Variants in TPTE observed in about 807,000 individuals in gnomAD.
The protein encoded by TPTE is transmembrane phosphatase with tensin homology, also known as putative tyrosine-protein phosphatase TPTE.
In TPTE, 59 loss-of-function variants were observed where a neutral mutation model predicts 84.1. That is an observed-to-expected ratio of 0.70 (90% CI 0.57 to 0.87). The LOEUF is 0.87. Ranked by LOEUF, TPTE falls within the 40% of genes least tolerant of loss-of-function variation. The pLI, the probability that TPTE is intolerant of heterozygous loss-of-function variation, is 0.00. For missense variants in TPTE, 382 were observed against 659.6 expected, an observed-to-expected ratio of 0.58 and a Z score of 4.61; for synonymous variants, 130 against 223.5, an observed-to-expected ratio of 0.58 and a Z score of 3.73.
chr21:10,603,188 A>G (rs182985721), intron 22 of TPTE, among the ~76,000 whole-genome samples: 1 of 152,310 alleles, frequency 6.6e-6, no homozygotes, highest in Non-Finnish European at 1.5e-5. Flanking sequence ...ATTAAAAGGG[A>G]TGCTGAGGCA....
intron 7 of TPTE, among the ~76,000 whole-genome samples, chr21:10,549,769 A>G (rs528466143): frequency 2.0e-5 from 3 of 152,426 alleles, no homozygotes; most frequent in African/African-American, 7.2e-5. Flanking sequence ...AGGAAAACAT[A>G]TTTAATAAAA....
chr21:10,604,337 G>T (rs56070757), intron 23 of TPTE, among the ~76,000 whole-genome samples: 613 of 150,272 alleles, frequency 4.1e-3, no homozygotes, highest in African/African-American at 0.015. Flanking sequence ...GACTTTTTTT[G>T]TGTCAACCAT....
chr21:10,561,931 G>C (rs2074813591), intron 10 of TPTE, among the ~76,000 whole-genome samples: 1 of 152,312 alleles, frequency 6.6e-6, no homozygotes, highest in Non-Finnish European at 1.5e-5. Context: ...TCTTGGGCAA[G>C]ACCCCGTGCT....
chr21:10,590,629 T>A, intron 18 of TPTE, 106 bp downstream of exon 18: 2 of 1,552,702 alleles, frequency 1.3e-6, no homozygotes, highest in Middle Eastern at 1.7e-4. Context: ...TGGTGCTTAG[T>A]AAAATTGTAA....
At chr21:10,537,984 A>G (rs2074298518) in intron 3 of TPTE, among the ~76,000 whole-genome samples, 1 of 152,300 alleles carries the variant, frequency 6.6e-6, no homozygotes, top group African/African-American at 2.4e-5. Context: ...AAAAAGAAGA[A>G]TGATTTTTCT....
chr21:10,587,511 C>T (rs1246622785), intron 17 of TPTE, among the ~76,000 whole-genome samples: 1 of 151,014 alleles, frequency 6.6e-6, no homozygotes, highest in Non-Finnish European at 1.5e-5. Context: ...AGGATAATGA[C>T]TTCCAGCTGC....
At chr21:10,551,540 C>T (rs892178547) in intron 7 of TPTE, among the ~76,000 whole-genome samples, 5 of 152,194 alleles carry the variant, frequency 3.3e-5, no homozygotes, top group Non-Finnish European at 4.4e-5. Context: ...ATAGTAAGAA[C>T]AAACCAAACC....
Position 10,521,608 on chromosome 21 carries a change from CTGACCCAACAGTT to C in TPTE, c.-296_-284del, listed in dbSNP as rs1490714793. The C allele has an allele frequency of 2.2e-5, 3 of 133,656 alleles. No homozygotes were observed. The highest frequency in any genetic ancestry group is 2.4e-4 in the South Asian group (1 of 4,200). 8.3% of individuals were successfully genotyped at this position (133,656 alleles called of 1,614,324 possible). ...ACAACAGCTGCTACCTGAACAGTTTCTGACCCAACAGTTACCCAGCGCCGGACTCGCTGCGCCC... is the reference window on the plus strand; with the variant it reads ...ACAACAGCTGCTACCTGAACAGTTTCACCCAGCGCCGGACTCGCTGCGCCC... On this transcript the variant is annotated 5_prime_UTR_variant, in exon 1 of 24. Transcript: ENST00000618007.
At chr21:10,560,332 C>T (rs1386059070) in intron 9 of TPTE, among the ~76,000 whole-genome samples, 1 of 152,300 alleles carries the variant, frequency 6.6e-6, no homozygotes, top group Non-Finnish European at 1.5e-5. Flanking sequence ...ATAATTGTTT[C>T]CTTTTGAATT....
chr21:10,531,105 A>G (rs1203312660), intron 3 of TPTE, among the ~76,000 whole-genome samples: 4 of 152,308 alleles, frequency 2.6e-5, no homozygotes, highest in Non-Finnish European at 5.9e-5. Context: ...TTTCAAAGTG[A>G]TTATGTTACA....
chr21:10,563,285 T>C (rs1355568653), intron 10 of TPTE, among the ~76,000 whole-genome samples: 1 of 152,310 alleles, frequency 6.6e-6, no homozygotes, highest in African/African-American at 2.4e-5. Context: ...GATAAGGACA[T>C]TAATGAGCAA....
Position 10,560,068 on chromosome 21 carries a change from G to T in TPTE, c.284+524G>T, listed in dbSNP as rs566950632. Among the ~76,000 whole-genome samples, 4 of 152,416 alleles carry T rather than the reference G, an allele frequency of 2.6e-5. No individual in the cohort carries two copies. In the South Asian group the frequency reaches 6.2e-4, roughly 24 times the overall value. ...TAATCTAATTTATCATGGAATTTTG[G>T]TTTAAGCTGGACATTAAGAATTGCA... On this transcript the variant is annotated intron_variant, in intron 9 of 23. Transcript: ENST00000618007.
intron 23 of TPTE, among the ~76,000 whole-genome samples, chr21:10,603,901 G>C (rs1202580404): frequency 6.6e-6 from 1 of 152,310 alleles, no homozygotes; most frequent in South Asian, 2.1e-4. Context: ...TCTTAAGTGT[G>C]GTAGTAAATT....
Position 10,603,612 on chromosome 21 carries a change from A to C in TPTE, c.1500A>C (p.Thr500=), listed in dbSNP as rs145488918. The part of the protein sequence containing the change: ...DNCSFYFWLH[T]SFIENNRLYL... ...GCTCATTTTACTTCTGGTTGCACACATCTTTTATTGAAAATAACAGGTATG... is the reference window on the plus strand; with the variant it reads ...GCTCATTTTACTTCTGGTTGCACACCTCTTTTATTGAAAATAACAGGTATG... Residue 500 remains threonine (T), a synonymous_variant, in exon 23 of 24, where the codon ACA becomes ACC. Coordinates refer to ENST00000618007, the MANE Select transcript of TPTE (RefSeq NM_199261.4). 8 of 1,612,314 alleles carry C rather than the reference A, an allele frequency of 5.0e-6. No homozygotes were observed. In the African/African-American group the frequency reaches 1.1e-4, roughly 22 times the overall value.
intron 17 of TPTE, among the ~76,000 whole-genome samples, chr21:10,580,552 C>T (rs574591776): frequency 9.3e-4 from 142 of 152,196 alleles, no homozygotes; most frequent in African/African-American, 3.3e-3. Context: ...GTTGCAATTT[C>T]ATTTTTCTGC....
At chr21:10,555,531 A>G (rs1255892195) in intron 8 of TPTE, among the ~76,000 whole-genome samples, 5 of 152,300 alleles carry the variant, frequency 3.3e-5, no homozygotes, top group Non-Finnish European at 7.3e-5. Context: ...TTGAATTGTC[A>G]TTTAAATTTA....
At chr21:10,523,732 A>G (rs961398729) in intron 1 of TPTE, among the ~76,000 whole-genome samples, 9 of 152,300 alleles carry the variant, frequency 5.9e-5, no homozygotes, top group African/African-American at 1.7e-4. Context: ...AGTCTTTGCT[A>G]TTGTGAATAG....
At chr21:10,536,725 A>T (rs1182160931) in intron 3 of TPTE, among the ~76,000 whole-genome samples, 1 of 152,310 alleles carries the variant, frequency 6.6e-6, no homozygotes, top group African/African-American at 2.4e-5. Flanking sequence ...CAGGCCCCTT[A>T]TCCAACTTTT....
intron 17 of TPTE, among the ~76,000 whole-genome samples, chr21:10,582,060 G>C (rs212131): frequency 2.7e-4 from 41 of 151,856 alleles, no homozygotes; most frequent in Admixed American, 7.2e-4. Context: ...TGAATATAGT[G>C]AAATTTGTTT....
Sources: gnomAD v4.1 joint callset for allele counts (sites outside exome capture counted in the v4.1 genomes callset) on GRCh38, gnomAD v4.1.1 for gene constraint, MANE v1.5 for transcripts, NCBI Gene and HGNC (gene_info 2026-07-23, HGNC 2026-07-21) for gene names.